SLC25A21: variants seen among roughly 807,000 people sequenced by gnomAD.
The protein encoded by SLC25A21 is solute carrier family 25 member 21.
In SLC25A21, 47 loss-of-function variants were observed where a neutral mutation model predicts 43.8. That is an observed-to-expected ratio of 1.07 (90% CI 0.85 to 1.37). The LOEUF (loss-of-function observed/expected upper bound fraction) is 1.37, where lower values mean the gene tolerates loss of function less well. SLC25A21 is among the 40% of genes most tolerant of loss of function. The pLI, the probability that SLC25A21 is intolerant of heterozygous loss-of-function variation, is 0.00. For missense variants in SLC25A21, 352 were observed against 350.2 expected (o/e 1.00, Z -0.04); for synonymous variants, 131 against 121.3 (o/e 1.08, Z -0.52).
At chr14:37,105,567 T>C (rs1405663082) in intron 1 of SLC25A21, among the ~76,000 whole-genome samples, 4 of 150,848 alleles carry the variant, frequency 2.7e-5, no homozygotes, top group African/African-American at 9.9e-5. Flanking sequence ...AATTTTATTT[T>C]TAATTTTAAG....
chr14:36,873,001 G>T (rs532047032), intron 2 of SLC25A21, among the ~76,000 whole-genome samples: 1 of 152,184 alleles, frequency 6.6e-6, no homozygotes, highest in Non-Finnish European at 1.5e-5. Context: ...TTGAGTGAAT[G>T]AGTGACCATA....
intron 1 of SLC25A21, among the ~76,000 whole-genome samples, chr14:37,048,051 C>T (rs1169237514): frequency 6.6e-6 from 1 of 152,110 alleles, no homozygotes; most frequent in African/African-American, 2.4e-5. Context: ...ATGTTTTAGA[C>T]AGAAAAATAT....
intron 1 of SLC25A21, among the ~76,000 whole-genome samples, chr14:37,061,203 A>C (rs535091363): frequency 1.3e-5 from 2 of 152,228 alleles, no homozygotes; most frequent in Admixed American, 1.3e-4. Context: ...TATATTTCAG[A>C]GCCCCCCTTG....
At position 37,048,736 on chromosome 14, in the gene SLC25A21, G is replaced by A. The variant is rs779222228; in HGVS notation, c.70+123545C>T. Among the ~76,000 whole-genome samples, 127 of 152,272 alleles carry A rather than the reference G, an allele frequency of 8.3e-4. 1 individual carries two copies. The highest frequency in any genetic ancestry group is 2.7e-3 in the African/African-American group (113 of 41,536). On this transcript the variant is annotated intron_variant, in intron 1 of 9. Transcript: ENST00000331299. ...TCACCTGTAAAACATGGGTGAGCAA[G>A]TCTGTCTGATTGTTCTTGAGAGAAT... is the stretch of plus-strand genomic sequence containing the variant.
intron 7 of SLC25A21, among the ~76,000 whole-genome samples, chr14:36,709,443 A>G (rs1883733425): frequency 6.6e-6 from 1 of 152,236 alleles, no homozygotes; most frequent in Non-Finnish European, 1.5e-5. Context: ...TGTCATCCAG[A>G]ACCACAGTGT....
At chr14:37,104,897 A>G (rs747868899) in intron 1 of SLC25A21, among the ~76,000 whole-genome samples, 20 of 152,210 alleles carry the variant, frequency 1.3e-4, no homozygotes, top group Non-Finnish European at 2.4e-4. Context: ...GATCTCTTGC[A>G]TAGCCTCTGA....
At chr14:36,924,834 T>C (rs1188940872) in intron 1 of SLC25A21, among the ~76,000 whole-genome samples, 2 of 152,132 alleles carry the variant, frequency 1.3e-5, no homozygotes, top group East Asian at 3.9e-4. Context: ...TAGGGATGGT[T>C]TGAGTATAGC....
At chr14:36,944,287 T>C (rs979327696) in intron 1 of SLC25A21, among the ~76,000 whole-genome samples, 4 of 152,106 alleles carry the variant, frequency 2.6e-5, no homozygotes, top group African/African-American at 9.7e-5. Context: ...TGTGGACAAG[T>C]AGCAGACAAA....
chr14:37,015,079 T>C (rs1230362626), intron 1 of SLC25A21, among the ~76,000 whole-genome samples: 1 of 152,092 alleles, frequency 6.6e-6, no homozygotes, highest in Non-Finnish European at 1.5e-5. Flanking sequence ...TTAGGGTACA[T>C]GTGCACAACG....
At chr14:36,887,926 C>T (rs540529556) in intron 1 of SLC25A21, among the ~76,000 whole-genome samples, 1 of 152,256 alleles carries the variant, frequency 6.6e-6, no homozygotes, top group African/African-American at 2.4e-5. Context: ...CTCCACCCTG[C>T]CCACCCCTCC....
intron 2 of SLC25A21, among the ~76,000 whole-genome samples, chr14:36,867,430 A>T (rs2022604): frequency 0.023 from 3,537 of 152,220 alleles, 157 homozygotes; most frequent in African/African-American, 0.08. Flanking sequence ...AACAACATTC[A>T]CTGGGCACCT....
intron 1 of SLC25A21, among the ~76,000 whole-genome samples, chr14:37,119,811 A>G (rs1963173907): frequency 6.6e-6 from 1 of 152,160 alleles, no homozygotes; most frequent in Non-Finnish European, 1.5e-5. Flanking sequence ...AAAATAGCTC[A>G]CAGAGAGGTA....
At chr14:36,753,061 T>C (rs1295548242) in intron 3 of SLC25A21, among the ~76,000 whole-genome samples, 2 of 152,068 alleles carry the variant, frequency 1.3e-5, no homozygotes, top group Non-Finnish European at 2.9e-5. Flanking sequence ...GAAAGTAGAA[T>C]GGTGGTTGCC....
intron 2 of SLC25A21, among the ~76,000 whole-genome samples, chr14:36,849,912 A>G (rs1889670630): frequency 6.6e-6 from 1 of 152,184 alleles, no homozygotes; most frequent in African/African-American, 2.4e-5. Context: ...TAATTAATTA[A>G]TATGCCTATT....
intron 1 of SLC25A21, among the ~76,000 whole-genome samples, chr14:37,030,340 G>T (rs1446051360): frequency 2.0e-5 from 3 of 152,034 alleles, no homozygotes; most frequent in African/African-American, 7.2e-5. Context: ...AAATAGACCT[G>T]ATCAATTGAA....
intron 1 of SLC25A21, among the ~76,000 whole-genome samples, chr14:37,098,804 G>T (rs1962759357): frequency 2.1e-5 from 1 of 46,780 alleles, no homozygotes. Context: ...TAGATAGATA[G>T]ATTTTTTTTT....
chr14:36,998,336 T>C (rs1171149401), intron 1 of SLC25A21, among the ~76,000 whole-genome samples: 1 of 152,174 alleles, frequency 6.6e-6, no homozygotes, highest in Non-Finnish European at 1.5e-5. Flanking sequence ...TGGAAAATAC[T>C]GCACCAATGT....
chr14:36,743,134 G>A (rs1885339884), intron 3 of SLC25A21, among the ~76,000 whole-genome samples: 1 of 152,152 alleles, frequency 6.6e-6, no homozygotes, highest in Non-Finnish European at 1.5e-5. Context: ...CCCAAGAAAG[G>A]CCTTAGTGTG....
At chr14:36,839,237 C>T (rs1434794027) in intron 2 of SLC25A21, among the ~76,000 whole-genome samples, 1 of 152,202 alleles carries the variant, frequency 6.6e-6, no homozygotes, top group Non-Finnish European at 1.5e-5. Context: ...GATTAACACA[C>T]TTAACTCATC....
Sources: gnomAD v4.1 joint callset for allele counts (sites outside exome capture counted in the v4.1 genomes callset) on GRCh38, gnomAD v4.1.1 for gene constraint, MANE v1.5 for transcripts, NCBI Gene and HGNC (gene_info 2026-07-23, HGNC 2026-07-21) for gene names.